Variants in ARHGEF26 observed in about 807,000 individuals in gnomAD.
ARHGEF26 encodes the protein Rho guanine nucleotide exchange factor (GEF) 26.
A neutral mutation model predicts 89.4 loss-of-function variants in ARHGEF26; 59 were observed. The observed-to-expected ratio is 0.66, with a 90% CI of 0.54 to 0.82. ARHGEF26 has a LOEUF of 0.82. Among genes scored for constraint, ARHGEF26 ranks in the 40% least tolerant of loss-of-function variants. The pLI is 0.00. For synonymous variants in ARHGEF26, 500 were observed against 428.4 expected, an observed-to-expected ratio of 1.17 and a Z score of -2.06; for missense variants, 1,234 against 1,085.6, an observed-to-expected ratio of 1.14 and a Z score of -1.92.
chr3:154,151,270 A>G (rs1056105217), intron 5 of ARHGEF26, among the ~76,000 whole-genome samples: 24 of 152,200 alleles, frequency 1.6e-4, no homozygotes, highest in African/African-American at 5.3e-4. Context: ...CAAAGGGCTT[A>G]TTTGTTTATG....
chr3:154,187,932 G>C (rs1713692122), intron 7 of ARHGEF26, 95 bp downstream of exon 7: 15 of 1,227,684 alleles, frequency 1.2e-5, no homozygotes, highest in Non-Finnish European at 1.5e-5. Context: ...ATTATATTTA[G>C]AAATGCCTCC....
chr3:154,247,945 T>C (rs535932022), intron 12 of ARHGEF26, among the ~76,000 whole-genome samples: 1 of 152,330 alleles, frequency 6.6e-6, no homozygotes, highest in African/African-American at 2.4e-5. Context: ...TTTTTCCCTC[T>C]GGGCCTTTCA....
chr3:154,189,334 A>ATTTT (rs35633646), intron 7 of ARHGEF26, among the ~76,000 whole-genome samples: 4 of 112,278 alleles, frequency 3.6e-5, no homozygotes, highest in Non-Finnish European at 5.3e-5. Flanking sequence ...AGTTGATGTG[A>ATTTT]TTTTTTTTTT....
Position 154,191,374 on chromosome 3 carries a change from A to G in ARHGEF26, c.1726A>G (p.Ile576Val), listed in dbSNP as rs1414186703. Residue 576 changes from isoleucine (I) to valine (V), a missense_variant, in exon 8 of 15, where the codon ATT becomes GTT. Ile to Val is a conservative substitution (Grantham distance 29, BLOSUM62 3). Coordinates refer to ENST00000465093, the MANE Select transcript of ARHGEF26 (RefSeq NM_015595.4). ...GAACTTACCCATGATCTCTTTTCTCATTCTCCCCATGCAGAGGGTGACCCG... is the reference window on the plus strand; with the variant it reads ...GAACTTACCCATGATCTCTTTTCTCGTTCTCCCCATGCAGAGGGTGACCCG... The part of the protein sequence containing the change: ...CRNLPMISFL[I>V]LPMQRVTRLP... 1.2e-6 allele frequency: 2 copies of G among 1,613,282 alleles called. No homozygotes were observed. The highest frequency in any genetic ancestry group is 1.6e-4 in the Middle Eastern group (1 of 6,062).
In ARHGEF26 at chr3:154,121,397, CG is replaced by C. The variant is rs1427108965; in HGVS notation, c.-173del. 2 of 152,226 alleles carry C rather than the reference CG, an allele frequency of 1.3e-5. No individual in the cohort carries two copies. Among genetic ancestry groups the C allele is most frequent in the African/African-American group, 2.4e-5 (1 of 41,434 alleles). The allele number at this position is 152,226 out of a possible 1,614,324, so 9.4% of individuals were successfully genotyped here. A position where few individuals can be genotyped will look rare whatever the true frequency, so the allele number is the denominator to read the frequency against. On this transcript the variant is annotated 5_prime_UTR_variant, in exon 1 of 15. Transcript: ENST00000465093. ...GTAGTCAGGCGTGGGGGCGGGCCGG[CG>C]CCGGCGCCGCGGTCGGCGGCAGCGC... is the stretch of plus-strand genomic sequence containing the variant.
rs1718612377 is a variant in ARHGEF26 at position 154,257,778 on chromosome 3, T to C, written c.*2305T>C. 6.6e-6 allele frequency: 1 copy of C among 152,236 alleles called. No homozygotes were observed. Among genetic ancestry groups the C allele is most frequent in the Non-Finnish European group, 1.5e-5 (1 of 68,044 alleles). 9.4% of individuals were successfully genotyped at this position (152,236 alleles called of 1,614,324 possible). A position where few individuals can be genotyped will look rare whatever the true frequency, so the allele number is the denominator to read the frequency against. On this transcript the variant is annotated 3_prime_UTR_variant, in exon 15 of 15. Transcript: ENST00000465093. ...TGTCCCAGTAAATTGAGACTGCTTG[T>C]ACACTTTCAGAAAAATATGTGAATT...
chr3:154,142,094 A>G (rs184101438), intron 4 of ARHGEF26, among the ~76,000 whole-genome samples: 1 of 152,348 alleles, frequency 6.6e-6, no homozygotes, highest in African/African-American at 2.4e-5. Flanking sequence ...AAATCACAGA[A>G]AGCAGTGAAG....
intron 9 of ARHGEF26, among the ~76,000 whole-genome samples, chr3:154,197,644 G>T (rs1714373208): frequency 6.6e-6 from 1 of 152,152 alleles, no homozygotes; most frequent in Non-Finnish European, 1.5e-5. Context: ...AATTGCTCAT[G>T]CATGTTGCCT....
intron 2 of ARHGEF26, among the ~76,000 whole-genome samples, chr3:154,123,848 G>C (rs1367341293): frequency 2.0e-5 from 3 of 152,134 alleles, no homozygotes; most frequent in Non-Finnish European, 4.4e-5. Flanking sequence ...AAGAAACAGG[G>C]AAAACTGAAG....
At position 154,240,433 on chromosome 3, in the gene ARHGEF26, C is replaced by T. The variant is rs747656625; in HGVS notation, c.2154C>T (p.Asp718=). 12 of 1,613,518 alleles carry T rather than the reference C, an allele frequency of 7.4e-6. No individual in the cohort carries two copies. Among genetic ancestry groups the T allele is most frequent in the Non-Finnish European group, 1.0e-5 (12 of 1,179,722 alleles). The change falls in exon 12 of 15, where the codon GAC becomes GAT. Residue 718 remains aspartate, a synonymous_variant. Transcript: ENST00000465093. ...LRDQLLVESC[D]NEELNSSPGK... ...ATCAGCTATTGGTGGAATCTTGTGACAATGAAGAGCTTAATTCTTCTCCAG... is the reference window on the plus strand; with the variant it reads ...ATCAGCTATTGGTGGAATCTTGTGATAATGAAGAGCTTAATTCTTCTCCAG...
intron 6 of ARHGEF26, among the ~76,000 whole-genome samples, chr3:154,160,199 C>T (rs1190131060): frequency 6.6e-6 from 1 of 152,136 alleles, no homozygotes; most frequent in Non-Finnish European, 1.5e-5. Context: ...GAAGTATTTT[C>T]ACAATACTTC....
At chr3:154,219,524 G>T (rs1480497869) in intron 10 of ARHGEF26, among the ~76,000 whole-genome samples, 2 of 151,456 alleles carry the variant, frequency 1.3e-5, no homozygotes, top group Admixed American at 6.6e-5. Context: ...GAACCCAAGA[G>T]GCAGAGGTTG....
rs141383217 is a variant in ARHGEF26 at position 154,244,354 on chromosome 3, C to T, written c.2300+3775C>T. Among the ~76,000 whole-genome samples, 354 of 152,158 alleles carry T rather than the reference C, an allele frequency of 2.3e-3. 2 individuals are homozygous for T. Among genetic ancestry groups the T allele is most frequent in the African/African-American group, 8.3e-3 (343 of 41,510 alleles). Reference sequence around the variant, plus strand: ...GAAGAAAAATCAATGGCTTTGATTACGTAAAGAATGCAGAAATGCTCACCA... The same window carrying T: ...GAAGAAAAATCAATGGCTTTGATTATGTAAAGAATGCAGAAATGCTCACCA... On this transcript the variant is annotated intron_variant, in intron 12 of 14. Coordinates refer to ENST00000465093, the MANE Select transcript of ARHGEF26 (RefSeq NM_015595.4).
rs768318638 is a variant in ARHGEF26, at chr3:154,124,390, T to A, written c.1084-20T>A. On this transcript the variant is annotated intron_variant, in intron 2 of 14. Transcript: ENST00000465093. ...GCTTTTCCTTTTTTTTTTTTTTTTTTACTTTTTTTTGTCTCTTAGAAAAAA... is the reference window on the plus strand; with the variant it reads ...GCTTTTCCTTTTTTTTTTTTTTTTTAACTTTTTTTTGTCTCTTAGAAAAAA... 8.9e-6 allele frequency: 12 copies of A among 1,352,148 alleles called. No individual in the cohort carries two copies. Among genetic ancestry groups the A allele is most frequent in the South Asian group, 1.5e-5 (1 of 67,028 alleles). The allele number at this position is 1,352,148 out of a possible 1,614,324, so 83.8% of individuals were successfully genotyped here.
chr3:154,249,405 A>G (rs1717986639), intron 12 of ARHGEF26, among the ~76,000 whole-genome samples: 1 of 152,248 alleles, frequency 6.6e-6, no homozygotes, highest in African/African-American at 2.4e-5. Flanking sequence ...GCTGATAGGA[A>G]ACTGTAGAAA....
chr3:154,145,480 A>G (rs1719642693), intron 4 of ARHGEF26, among the ~76,000 whole-genome samples: 1 of 152,208 alleles, frequency 6.6e-6, no homozygotes, highest in Non-Finnish European at 1.5e-5. Flanking sequence ...GGTGTTCAGT[A>G]TAAATTAGTG....
intron 10 of ARHGEF26, among the ~76,000 whole-genome samples, chr3:154,224,887 T>G (rs1442254177): frequency 6.6e-6 from 1 of 152,222 alleles, no homozygotes; most frequent in Non-Finnish European, 1.5e-5. Context: ...TCATTTCCTC[T>G]CTAATATCCT....
intron 3 of ARHGEF26, among the ~76,000 whole-genome samples, chr3:154,125,108 T>C (rs1718252334): frequency 6.6e-6 from 1 of 152,132 alleles, no homozygotes; most frequent in South Asian, 2.1e-4. Context: ...GTAGCACTTG[T>C]TGGGCTAGAG....
In ARHGEF26 at chr3:154,124,430, A is replaced by G. The variant is rs917385838; in HGVS notation, c.1104A>G (p.Gln368=). 7 of 1,514,514 alleles carry G rather than the reference A, an allele frequency of 4.6e-6. No homozygotes were observed. The highest frequency in any genetic ancestry group is 5.3e-6 in the Non-Finnish European group (6 of 1,140,332). 93.8% of individuals were successfully genotyped at this position (1,514,514 alleles called of 1,614,324 possible). A position where few individuals can be genotyped will look rare whatever the true frequency, so the allele number is the denominator to read the frequency against. The change falls in exon 3 of 15, where the codon CAA becomes CAG. Residue 368 remains glutamine (Q), a synonymous_variant. Coordinates refer to ENST00000465093, the MANE Select transcript of ARHGEF26 (RefSeq NM_015595.4). ...CTTAGAAAAAAATGCTGAAAGGACA[A>G]GGAACATTTGATGGGGAAGGTAAGC... ...GRIKKKMLKG[Q]GTFDGEENAV... is the part of the protein sequence containing the mutation.
Sources: gnomAD v4.1 joint callset for allele counts (sites outside exome capture counted in the v4.1 genomes callset) on GRCh38, gnomAD v4.1.1 for gene constraint, MANE v1.5 for transcripts, NCBI Gene and HGNC (gene_info 2026-07-23, HGNC 2026-07-21) for gene names.